Variants in COL11A2 observed in about 807,000 individuals in gnomAD.
The protein encoded by COL11A2 is collagen type XI alpha 2 chain.
Under a neutral mutation model 273.4 loss-of-function variants are expected in COL11A2, and 116 were observed. The observed-to-expected ratio is 0.42, with a 90% CI of 0.36 to 0.49. The LOEUF (loss-of-function observed/expected upper bound fraction) is 0.49. Ranked by LOEUF, COL11A2 falls within the 20% of genes least tolerant of loss-of-function variation. The pLI is 0.00. For synonymous variants in COL11A2, 782 were observed against 864.2 expected (o/e 0.90, Z 1.67); for missense variants, 1,866 against 2,309.0 (o/e 0.81, Z 3.93).
At chr6:33,193,342 G>C (rs1312971694), upstream of COL11A2, among the ~76,000 whole-genome samples, 1 of 151,844 alleles carries the variant, frequency 6.6e-6, no homozygotes, top group Non-Finnish European at 1.5e-5. Context: ...GAGAGGGCAC[G>C]AGCGAACAAG....
At position 33,169,155 on chromosome 6, in the gene COL11A2, A is replaced by T; in HGVS notation, c.3799-147T>A. ...GGTCTCCTGCACCCCTTTCCCTACC[A>T]CGTGCACTGCGTGTTGTCTAATTCC... On this transcript the variant is annotated intron_variant, in intron 51 of 65. Coordinates refer to ENST00000341947, the MANE Select transcript of COL11A2 (RefSeq NM_080680.3). The surrounding 1 kb of genome is among the most constrained non-coding windows in gnomAD (Gnocchi z 5.5). The T allele has an allele frequency of 1.3e-6, 1 of 795,318 alleles. No homozygotes were observed. The highest frequency in any genetic ancestry group is 2.0e-6 in the Non-Finnish European group (1 of 491,498). 49.3% of individuals were successfully genotyped at this position (795,318 alleles called of 1,614,324 possible).
chr6:33,165,647 C>T lies in COL11A2; in HGVS notation c.4652G>A (p.Arg1551Gln), dbSNP rs145343609. The T allele has an allele frequency of 1.1e-3, 1,758 of 1,612,628 alleles. 3 individuals carry two copies. Among genetic ancestry groups the T allele is most frequent in the Non-Finnish European group, 1.4e-3 (1,675 of 1,179,986 alleles). The change falls in exon 63 of 66, where the codon CGG becomes CAG. Residue 1551 changes from arginine to glutamine, a missense_variant. Coordinates refer to ENST00000341947, the MANE Select transcript of COL11A2 (RefSeq NM_080680.3). The surrounding 1 kb of genome is among the most constrained non-coding windows in gnomAD (Gnocchi z 7.7). Reference protein sequence around the residue: ...EEIFGSLDSLREEIEQMRRPT... With the variant: ...EEIFGSLDSLQEEIEQMRRPT... ...CCGCCTCATCTGCTCGATCTCCTCC[C>T]GCAGGGAGTCGAGTGAGCCAAAGAT...
Position 33,173,803 on chromosome 6 carries a change from G to T in COL11A2, c.2584-58C>A, listed in dbSNP as rs1283306516. Reference sequence around the variant, plus strand: ...GAGCTGCTTTCCAGCTGTCCCCGAGGTCAGGATGTTGAGGGAGAGCTGGGG... The same window carrying T: ...GAGCTGCTTTCCAGCTGTCCCCGAGTTCAGGATGTTGAGGGAGAGCTGGGG... On this transcript the variant is annotated intron_variant, in intron 34 of 65. Transcript: ENST00000341947. This position sits in a 1 kb window ranked among gnomAD's most constrained non-coding sequence, Gnocchi z 6.3. The T allele has an allele frequency of 3.1e-5, 50 of 1,609,440 alleles. 1 individual carries two copies. The East Asian group carries it at 5.6e-4, about 18-fold the overall frequency.
At chr6:33,182,637 G>C (rs1465725543) in intron 8 of COL11A2, among the ~76,000 whole-genome samples, 1 of 152,054 alleles carries the variant, frequency 6.6e-6, no homozygotes, top group Non-Finnish European at 1.5e-5. Flanking sequence ...CTTGAACCCA[G>C]GAGGCAGAGG....
intron 1 of COL11A2, among the ~76,000 whole-genome samples, chr6:33,191,903 T>TCCC (rs1397848838): frequency 6.6e-6 from 1 of 152,154 alleles, no homozygotes; most frequent in Non-Finnish European, 1.5e-5. Context: ...CAAGCATCCA[T>TCCC]CCCCATTCAG....
In COL11A2 at chr6:33,179,776, C is replaced by T; in HGVS notation, c.1389G>A (p.Lys463=). ...PFRFGSGGGD[K]GPVVAAQEAQ... ...CCTCCTGGGCCGCCACCACAGGGCCCTTGTCACCCCCACCACTGCCAAACC... is the reference window on the plus strand; with the variant it reads ...CCTCCTGGGCCGCCACCACAGGGCCTTTGTCACCCCCACCACTGCCAAACC... Residue 463 remains lysine (K), a synonymous_variant, in exon 13 of 66, where the codon AAG becomes AAA. Coordinates refer to ENST00000341947, the MANE Select transcript of COL11A2 (RefSeq NM_080680.3). This position sits in a 1 kb window ranked among gnomAD's most constrained non-coding sequence, Gnocchi z 6.4. 1.2e-6 allele frequency: 2 copies of T among 1,611,942 alleles called. No individual in the cohort carries two copies. Among genetic ancestry groups the T allele is most frequent in the Non-Finnish European group, 8.5e-7 (1 of 1,180,020 alleles).
Position 33,173,447 on chromosome 6 carries a change from G to C in COL11A2, c.2683-46C>G. 1 of 1,612,486 alleles carries C rather than the reference G, an allele frequency of 6.2e-7. No individual in the cohort carries two copies. Among genetic ancestry groups the C allele is most frequent in the Non-Finnish European group, 8.5e-7 (1 of 1,179,312 alleles). On this transcript the variant is annotated intron_variant, in intron 36 of 65. Transcript: ENST00000341947. The surrounding 1 kb of genome is among the most constrained non-coding windows in gnomAD (Gnocchi z 6.3). ...AGGTGAACTCTCAGCTGGAAAGCAG[G>C]TAGGGAAGAAGGACTCAGAGAAGCG...
At position 33,188,439 on chromosome 6, in the gene COL11A2, G is replaced by C. The variant is rs764450149; in HGVS notation, c.529C>G (p.Arg177Gly). ...CKKRVTRPLPRSARPVLDTHG... is the reference protein window; with the variant it reads ...CKKRVTRPLPGSARPVLDTHG... ...GTGTCCAATACTGGACGAGCACTTC[G>C]GGGGAGAGGCCGGGTGACTCGCTTC... The change falls in exon 4 of 66, where the codon CGA becomes GGA. Residue 177 changes from arginine to glycine, a missense_variant. By Grantham distance (125) the Arg-to-Gly change is moderately radical. Coordinates refer to ENST00000341947, the MANE Select transcript of COL11A2 (RefSeq NM_080680.3). The C allele has an allele frequency of 2.5e-6, 4 of 1,612,978 alleles. No individual in the cohort carries two copies. Among genetic ancestry groups the C allele is most frequent in the South Asian group, 1.1e-5 (1 of 91,080 alleles).
rs1769354838 is a variant in COL11A2 at position 33,167,603 on chromosome 6, A to G, written c.4015-70T>C. 6.5e-7 allele frequency: 1 copy of G among 1,540,364 alleles called. No individual in the cohort carries two copies. Among genetic ancestry groups the G allele is most frequent in the Non-Finnish European group, 8.9e-7 (1 of 1,121,992 alleles). On this transcript the variant is annotated intron_variant, in intron 55 of 65. Transcript: ENST00000341947. This position sits in a 1 kb window ranked among gnomAD's most constrained non-coding sequence, Gnocchi z 6.1. Reference sequence around the variant, plus strand: ...GGTGTGGGCAGGGGGCAGAGGGTCCAAGGTGGGAGGCAGGAGGCAGGGAGG... The same window carrying G: ...GGTGTGGGCAGGGGGCAGAGGGTCCGAGGTGGGAGGCAGGAGGCAGGGAGG...
chr6:33,168,858 C>T, intron 52 of COL11A2, 97 bp downstream of exon 52: 4 of 1,605,158 alleles, frequency 2.5e-6, no homozygotes, highest in South Asian at 1.1e-5. Flanking sequence ...CTGCCATACC[C>T]CCGGCTTCCC....
chr6:33,173,680 G>C lies in COL11A2; in HGVS notation c.2628+21C>G. The C allele has an allele frequency of 6.4e-7, 1 of 1,562,424 alleles. No homozygotes were observed. Among genetic ancestry groups the C allele is most frequent in the Non-Finnish European group, 8.7e-7 (1 of 1,152,390 alleles). ...GCTCCCTGGGGACCTCAGGGGAAGG[G>C]GACTTTCGATCCACACTCACCCTCT... is the stretch of plus-strand genomic sequence containing the variant. On this transcript the variant is annotated intron_variant, in intron 35 of 65. Transcript: ENST00000341947. This position sits in a 1 kb window ranked among gnomAD's most constrained non-coding sequence, Gnocchi z 6.3.
At position 33,165,843 on chromosome 6, in the gene COL11A2, C is replaced by T. The variant is rs1769053015; in HGVS notation, c.4483-27G>A. 1 of 1,613,402 alleles carries T rather than the reference C, an allele frequency of 6.2e-7. No individual in the cohort carries two copies. The highest frequency in any genetic ancestry group is 1.7e-5 in the Admixed American group (1 of 59,990). ...TGGGTGCAGGGACAGATGGAGAGGG[C>T]AAGAGACAAGGTTGGTGTGAGGGTG... On this transcript the variant is annotated intron_variant, in intron 62 of 65. Coordinates refer to ENST00000341947, the MANE Select transcript of COL11A2 (RefSeq NM_080680.3). This position sits in a 1 kb window ranked among gnomAD's most constrained non-coding sequence, Gnocchi z 7.7.
At chr6:33,192,601 ACCCT>A (rs1182018390), upstream of COL11A2, 1 of 404,178 alleles carries the variant, frequency 2.5e-6, no homozygotes, top group Non-Finnish European at 4.5e-6. Context: ...GGAGGCGGGA[ACCCT>A]CCCTCTATCG....
At chr6:33,180,609 C>T (rs537705049) in intron 11 of COL11A2, 59 bp downstream of exon 11, 27 of 1,484,866 alleles carry the variant, frequency 1.8e-5, no homozygotes, top group Middle Eastern at 2.3e-4. Context: ...GGTAGCCCCC[C>T]GCTTGGATAC....
intron 6 of COL11A2, 152 bp from the exon 7 acceptor site, chr6:33,185,206 G>C: frequency 1.4e-6 from 1 of 697,416 alleles, no homozygotes; most frequent in Admixed American, 2.1e-5. Context: ...AGCCCCTTTG[G>C]AGGGGGATAG....
In COL11A2 at chr6:33,171,564, C is replaced by T. The variant is rs1437809197; in HGVS notation, c.3161G>A (p.Gly1054Asp). 6.2e-7 allele frequency: 1 copy of T among 1,613,706 alleles called. No homozygotes were observed. Among genetic ancestry groups the T allele is most frequent in the Admixed American group, 1.7e-5 (1 of 59,986 alleles). Residue 1054 changes from glycine to aspartate, a missense_variant, in exon 43 of 66, where the codon GGC (glycine) becomes GAC (aspartate). By Grantham distance (94) the Gly-to-Asp change is moderately conservative. Transcript: ENST00000341947. The part of the protein sequence containing the change: ...AGEKGVPGEK[G>D]PIGPTGRDGV... ...ATCTCGGCCAGTCGGGCCAATGGGG[C>T]CCTTCTCACCCTGTGGGACAGGAGG...
At position 33,180,964 on chromosome 6, in the gene COL11A2, C is replaced by T. The variant is rs1554221935; in HGVS notation, c.1221G>A (p.Ala407=). The T allele has an allele frequency of 3.1e-6, 5 of 1,613,768 alleles. No individual in the cohort carries two copies. Among genetic ancestry groups the T allele is most frequent in the African/African-American group, 1.3e-5 (1 of 74,950 alleles). The change falls in exon 10 of 66, where the codon GCG becomes GCA. Residue 407 remains alanine, a splice_region_variant and synonymous_variant. Coordinates refer to ENST00000341947, the MANE Select transcript of COL11A2 (RefSeq NM_080680.3). The stretch of plus-strand genomic sequence containing the variant: ...GCCACCAGGTCACTGCTAGACTTAC[C>T]GCAGGGCCTTCTGGGCCAGGGGGCC... ...VEGPPGPEGP[A]GLIGPPGIQG...
Position 33,165,683 on chromosome 6 carries a change from C to T in COL11A2, c.4616G>A (p.Gly1539Glu). 6.2e-7 allele frequency: 1 copy of T among 1,611,670 alleles called. No individual in the cohort carries two copies. Among genetic ancestry groups the T allele is most frequent in the Non-Finnish European group, 8.5e-7 (1 of 1,179,972 alleles). The change falls in exon 63 of 66, where the codon GGG becomes GAG. Residue 1539 changes from glycine (G) to glutamate (E), a missense_variant. Physicochemically the swap from Gly to Glu is moderately conservative, Grantham distance 98 (BLOSUM62 -2). Transcript: ENST00000341947. This position sits in a 1 kb window ranked among gnomAD's most constrained non-coding sequence, Gnocchi z 7.7. ...GAGTGAGCCAAAGATCTCCTCCAGCCCCCCAGGACTGCCGGGGGCTCCCCC... is the reference window on the plus strand; with the variant it reads ...GAGTGAGCCAAAGATCTCCTCCAGCTCCCCAGGACTGCCGGGGGCTCCCCC... Reference protein sequence around the residue: ...PTGGAPGSPGGLEEIFGSLDS... With the variant: ...PTGGAPGSPGELEEIFGSLDS...
Position 33,163,832 on chromosome 6 carries a change from C to T in COL11A2, c.5071-14G>A. 1.2e-6 allele frequency: 2 copies of T among 1,612,910 alleles called. No individual in the cohort carries two copies. Among genetic ancestry groups the T allele is most frequent in the South Asian group, 1.1e-5 (1 of 91,074 alleles). ...GCCTTGCTGTGTCTTCAGGGGGAGA[C>T]AAGGAAGAAAGTGTGAGCAGGATGG... On this transcript the variant is annotated splice_polypyrimidine_tract_variant and intron_variant, in intron 65 of 65. Coordinates refer to ENST00000341947, the MANE Select transcript of COL11A2 (RefSeq NM_080680.3). The surrounding 1 kb of genome is among the most constrained non-coding windows in gnomAD (Gnocchi z 4.1).
Sources: allele counts gnomAD v4.1 joint callset (sites outside exome capture counted in the v4.1 genomes callset), GRCh38; gene constraint gnomAD v4.1.1; non-coding constraint Gnocchi (gnomAD v3.1); transcripts MANE v1.5; gene names NCBI Gene and HGNC (gene_info 2026-07-23, HGNC 2026-07-21).